Variants in PSEN1 observed in about 807,000 individuals in gnomAD.
PSEN1 encodes presenilin-1.
PSEN1 carries 15 observed loss-of-function variants against 53.5 expected under a neutral mutation model. That is an observed-to-expected ratio of 0.28 (90% confidence interval 0.19 to 0.43). PSEN1 has a LOEUF of 0.43. Ranked by LOEUF, PSEN1 falls within the 20% of genes least tolerant of loss-of-function variation. PSEN1 has a pLI of 1.00. For synonymous variants in PSEN1, 208 were observed against 209.8 expected (o/e 0.99, Z 0.08); for missense variants, 387 against 571.2 (o/e 0.68, Z 3.29).
At chr14:73,208,850 A>T (rs199499966) in intron 9 of PSEN1, 1 of 455,110 alleles carries the variant, frequency 2.2e-6, no homozygotes, top group East Asian at 7.0e-5. Context: ...TGCTGCCATC[A>T]ACCTGCTGTC....
intron 1 of PSEN1, among the ~76,000 whole-genome samples, chr14:73,142,116 C>A (rs1297496187): frequency 1.3e-5 from 2 of 151,278 alleles, no homozygotes; most frequent in Non-Finnish European, 2.9e-5. Flanking sequence ...ATAATAATTT[C>A]AATTATAGGT....
At chr14:73,141,485 A>C (rs373536018) in intron 1 of PSEN1, among the ~76,000 whole-genome samples, 1 of 152,206 alleles carries the variant, frequency 6.6e-6, no homozygotes, top group East Asian at 1.9e-4. Context: ...TTAGTTTAAA[A>C]ATTTTTTTTA....
At chr14:73,192,506 C>G (rs1898761914) in intron 6 of PSEN1, 138 bp from the exon 7 acceptor site, 1 of 694,120 alleles carries the variant, frequency 1.4e-6, no homozygotes, top group African/African-American at 1.8e-5. Flanking sequence ...TAAATAATAG[C>G]ACAGTTGATA....
chr14:73,188,061 C>T (rs1898579474), intron 6 of PSEN1, among the ~76,000 whole-genome samples: 1 of 151,904 alleles, frequency 6.6e-6, no homozygotes, highest in African/African-American at 2.4e-5. Flanking sequence ...CCTGAGTAAC[C>T]GGGACTACAG....
At chr14:73,137,488 G>C (rs1390288415) in intron 1 of PSEN1, among the ~76,000 whole-genome samples, 1 of 152,214 alleles carries the variant, frequency 6.6e-6, no homozygotes, top group African/African-American at 2.4e-5. Flanking sequence ...GACTGGAGCT[G>C]AAAACAGGAA....
intron 3 of PSEN1, among the ~76,000 whole-genome samples, chr14:73,149,830 T>C (rs1897168323): frequency 1.3e-5 from 2 of 152,246 alleles, no homozygotes; most frequent in African/African-American, 2.4e-5. Context: ...TATATTGTTA[T>C]AGTTCAAATA....
rs140461257 is a variant in PSEN1, at chr14:73,157,670, C to T, written c.87+9564C>T. Among the ~76,000 whole-genome samples, 413 of 152,078 alleles carry T rather than the reference C, an allele frequency of 2.7e-3. 1 individual carries two copies. The highest frequency in any genetic ancestry group is 9.3e-3 in the African/African-American group (386 of 41,478). The stretch of plus-strand genomic sequence containing the variant: ...TCCCCAGGCAACCATGTTTTGTCAC[C>T]GCGCGCAGCCATTTACTATTATGAT... On this transcript the variant is annotated intron_variant, in intron 3 of 11. Coordinates refer to ENST00000324501, the MANE Select transcript of PSEN1 (RefSeq NM_000021.4).
chr14:73,208,310 G>A (rs972035421), intron 9 of PSEN1, among the ~76,000 whole-genome samples: 10 of 152,240 alleles, frequency 6.6e-5, no homozygotes, highest in Admixed American at 1.3e-4. Flanking sequence ...AATGAAGTAC[G>A]TGGACAGCTG....
At chr14:73,193,549 C>CAAA (rs372716222) in intron 7 of PSEN1, among the ~76,000 whole-genome samples, 1 of 93,344 alleles carries the variant, frequency 1.1e-5, no homozygotes, top group Non-Finnish European at 2.1e-5. Context: ...GACTCTGTCT[C>CAAA]AAAAAAAAAA....
At position 73,171,003 on chromosome 14, in the gene PSEN1, T is replaced by G; in HGVS notation, c.294T>G (p.Ala98=). The change falls in exon 4 of 12, where the codon GCT becomes GCG. Residue 98 remains alanine (A), a synonymous_variant. Coordinates refer to ENST00000324501, the MANE Select transcript of PSEN1 (RefSeq NM_000021.4). ...PVTLCMVVVV[A]TIKSVSFYTR... is the part of the protein sequence containing the mutation. ...CTCTCTGCATGGTGGTGGTCGTGGC[T>G]ACCATTAAGTCAGTCAGCTTTTATA... is the stretch of plus-strand genomic sequence containing the variant. 1 of 1,614,216 alleles carries G rather than the reference T, an allele frequency of 6.2e-7. No individual in the cohort carries two copies. Among genetic ancestry groups the G allele is most frequent in the African/African-American group, 1.3e-5 (1 of 75,064 alleles).
intron 8 of PSEN1, 87 bp from the exon 9 acceptor site, chr14:73,206,299 G>A (rs190300744): frequency 9.1e-5 from 83 of 916,426 alleles, no homozygotes; most frequent in Admixed American, 5.9e-4. Context: ...GAAGACTGGC[G>A]ATTTGTGTGG....
intron 6 of PSEN1, among the ~76,000 whole-genome samples, 197 bp downstream of exon 6, chr14:73,187,117 A>G (rs145583388): frequency 4.6e-5 from 7 of 152,368 alleles, no homozygotes; most frequent in African/African-American, 1.7e-4. Context: ...TGCTTATAAT[A>G]AGTAGAACTG....
chr14:73,154,345 C>T (rs2139993047), intron 3 of PSEN1, among the ~76,000 whole-genome samples: 1 of 152,084 alleles, frequency 6.6e-6, no homozygotes, highest in Non-Finnish European at 1.5e-5. Flanking sequence ...TGTCTGTATT[C>T]CTAGTACTTT....
chr14:73,182,301 G>C (rs373544899), intron 5 of PSEN1, among the ~76,000 whole-genome samples: 1 of 151,530 alleles, frequency 6.6e-6, no homozygotes, highest in African/African-American at 2.4e-5. Flanking sequence ...GCAACAGAGT[G>C]AGACCCCCAC....
chr14:73,155,311 GTTTC>G (rs1486471819), intron 3 of PSEN1, among the ~76,000 whole-genome samples: 1 of 152,064 alleles, frequency 6.6e-6, no homozygotes. Flanking sequence ...CTAAACTTCA[GTTTC>G]TTTATCTGTT....
chr14:73,217,853 A>G (rs2140146598), intron 11 of PSEN1, among the ~76,000 whole-genome samples: 1 of 148,090 alleles, frequency 6.8e-6, no homozygotes, highest in African/African-American at 2.5e-5. Flanking sequence ...GAGTGGTGCA[A>G]TCTCGGCTCA....
intron 7 of PSEN1, among the ~76,000 whole-genome samples, chr14:73,193,540 A>T (rs1595035963): frequency 9.0e-6 from 1 of 110,866 alleles, no homozygotes. Flanking sequence ...ACAGAGCGAG[A>T]CTCTGTCTCA....
At chr14:73,200,426 C>T (rs776052794) in intron 8 of PSEN1, among the ~76,000 whole-genome samples, 2 of 152,024 alleles carry the variant, frequency 1.3e-5, no homozygotes, top group Non-Finnish European at 1.5e-5. Context: ...CATGCCACCA[C>T]GCCTGGCTGA....
rs1258362129 is a variant in PSEN1, at chr14:73,151,909, T to A, written c.87+3803T>A. ...ATATATATATATTTTTTTTTTTTTT[T>A]TTTTTTTTTTTTTTTTTTTTGAGAC... On this transcript the variant is annotated intron_variant, in intron 3 of 11. Coordinates refer to ENST00000324501, the MANE Select transcript of PSEN1 (RefSeq NM_000021.4). Among the ~76,000 whole-genome samples the A allele has an allele frequency of 2.5e-4, 25 of 101,632 alleles. 1 individual carries two copies. Among genetic ancestry groups the A allele is most frequent in the African/African-American group, 8.3e-4 (20 of 24,224 alleles). 66.7% of individuals were successfully genotyped at this position (101,632 alleles called of 152,430 possible).
Sources: gnomAD v4.1 joint callset for allele counts (sites outside exome capture counted in the v4.1 genomes callset) on GRCh38, gnomAD v4.1.1 for gene constraint, MANE v1.5 for transcripts, NCBI Gene and HGNC (gene_info 2026-07-23, HGNC 2026-07-21) for gene names.